The following ZNF91 variants were observed in gnomAD, a reference collection of about 807,000 sequenced individuals.
The protein encoded by ZNF91 is zinc finger protein 91, also known as zinc finger protein 91 (HPF7, HTF10).
In ZNF91, 7 loss-of-function variants were observed where a neutral mutation model predicts 12.6. The ratio of observed to expected loss-of-function variants is 0.55; its 90% CI spans 0.31 to 1.04. The LOEUF (loss-of-function observed/expected upper bound fraction) is 1.04, where lower values mean the gene tolerates loss of function less well. Among genes scored for constraint, ZNF91 ranks in the 50% least tolerant of loss-of-function variants. ZNF91 has a pLI of 0.05. For synonymous variants in ZNF91, 453 were observed against 462.6 expected (o/e 0.98, Z 0.27); for missense variants, 1,217 against 1,385.4 (o/e 0.88, Z 1.93).
intron 3 of ZNF91, among the ~76,000 whole-genome samples, chr19:23,342,959 C>G (rs1204942797): frequency 6.6e-6 from 1 of 152,144 alleles, no homozygotes; most frequent in Non-Finnish European, 1.5e-5. Flanking sequence ...TAATTTTACT[C>G]TAGGTGTTTG....
chr19:23,334,987 TTTTA>T (rs1967980639), downstream of ZNF91, among the ~76,000 whole-genome samples: 2 of 152,152 alleles, frequency 1.3e-5, no homozygotes, highest in Non-Finnish European at 1.5e-5. Flanking sequence ...TTTTTAAACT[TTTTA>T]TTTATTATTC....
At chr19:23,343,534 G>A (rs1054322704) in intron 3 of ZNF91, among the ~76,000 whole-genome samples, 1 of 152,244 alleles carries the variant, frequency 6.6e-6, no homozygotes, top group Non-Finnish European at 1.5e-5. Flanking sequence ...ATAATAAGCT[G>A]AGGTAAACAT....
chr19:23,385,247 C>A, intron 1 of ZNF91: 2 of 548,696 alleles, frequency 3.6e-6, no homozygotes, highest in South Asian at 2.9e-5. Flanking sequence ...GATATTGGGC[C>A]CTCACTTTTG....
Position 23,330,265 on chromosome 19 carries a change from A to C in ZNF91, n.117-21168T>G, listed in dbSNP as rs1967906181. 3.3e-5 allele frequency among the ~76,000 whole-genome samples: 5 copies of C among 151,632 alleles called. No homozygotes were observed. In the South Asian group the frequency reaches 1.0e-3, roughly 32 times the overall value. ...AGAATCACTGGAACCTGGGAGGTGG[A>C]GGTTGCAGTGAGCCGAGATTGTGCC... On this transcript the variant is annotated intron_variant and non_coding_transcript_variant, in intron 1 of 1. Coordinates refer to the ZNF91 transcript ENST00000596528.
intron 1 of ZNF91, among the ~76,000 whole-genome samples, chr19:23,378,538 A>G (rs1002061080): frequency 6.6e-6 from 1 of 152,208 alleles, no homozygotes; most frequent in African/African-American, 2.4e-5. Flanking sequence ...TTTCAATTTT[A>G]TATCACATAC....
At chr19:23,334,576 A>G (rs2145874409), downstream of ZNF91, among the ~76,000 whole-genome samples, 1 of 152,340 alleles carries the variant, frequency 6.6e-6, no homozygotes, top group African/African-American at 2.4e-5. Context: ...AGAAACATTT[A>G]TTTTCCACAA....
At chr19:23,365,571 CTTT>C (rs370180013) in intron 3 of ZNF91, among the ~76,000 whole-genome samples, 1 of 145,520 alleles carries the variant, frequency 6.9e-6, no homozygotes, top group African/African-American at 2.5e-5. Context: ...ATATAGAAGT[CTTT>C]TTTTTTTTTT....
chr19:23,336,804 C>A (rs1001774875), downstream of ZNF91, among the ~76,000 whole-genome samples: 1 of 152,188 alleles, frequency 6.6e-6, no homozygotes, highest in African/African-American at 2.4e-5. Flanking sequence ...TGGATTCTCG[C>A]TGTCGCCCAG....
chr19:23,367,058 C>T (rs1420281713), intron 3 of ZNF91, among the ~76,000 whole-genome samples: 1 of 152,178 alleles, frequency 6.6e-6, no homozygotes, highest in Non-Finnish European at 1.5e-5. Context: ...ATAGAGAGAC[C>T]AAGGTGTGAG....
At chr19:23,351,342 A>G (rs907696094) in intron 3 of ZNF91, among the ~76,000 whole-genome samples, 1 of 151,940 alleles carries the variant, frequency 6.6e-6, no homozygotes, top group Non-Finnish European at 1.5e-5. Flanking sequence ...AAAAAAAAAA[A>G]AAAGAAAGAA....
intron 1 of ZNF91, among the ~76,000 whole-genome samples, chr19:23,331,486 G>C (rs988154889): frequency 1.2e-4 from 18 of 152,206 alleles, no homozygotes; most frequent in Admixed American, 1.0e-3. Context: ...GATATATGCT[G>C]TAAAATTACT....
Position 23,345,476 on chromosome 19 carries a change from TGAG to T in ZNF91, c.254-6425_254-6423del, listed in dbSNP as rs146052225. On this transcript the variant is annotated intron_variant, in intron 3 of 3. Coordinates refer to the ZNF91 transcript ENST00000599743. ...CAATTATTGCTGATGACTGGAAAAA[TGAG>T]GAGAAATTACTTATATCCAGGCCTT... Among the ~76,000 whole-genome samples, 34 of 152,306 alleles carry T rather than the reference TGAG, an allele frequency of 2.2e-4. No homozygotes were observed. The East Asian group carries it at 6.2e-3, about 28-fold the overall frequency.
At chr19:23,321,203 G>T (rs774318017) in intron 1 of ZNF91, among the ~76,000 whole-genome samples, 21 of 152,148 alleles carry the variant, frequency 1.4e-4, no homozygotes, top group Non-Finnish European at 2.5e-4. Context: ...CCTGGGCTTC[G>T]TTCACAAGTA....
At position 23,385,246 on chromosome 19, in the gene ZNF91, C is replaced by T. The variant is rs1969836619; in HGVS notation, c.30+10079G>A. 5.4e-6 allele frequency: 3 copies of T among 552,832 alleles called. No homozygotes were observed. In the Admixed American group the frequency reaches 9.9e-5, roughly 18 times the overall value. The allele number at this position is 552,832 out of a possible 1,614,324, so 34.2% of individuals were successfully genotyped here. ...CCTCCCCCTGCAGCTTGATATTGGG[C>T]CCTCACTTTTGGATGAGGGGCTGAA... On this transcript the variant is annotated intron_variant, in intron 1 of 3. Transcript: ENST00000300619.
At chr19:23,342,023 T>C (rs1968135891) in intron 3 of ZNF91, 1 of 291,952 alleles carries the variant, frequency 3.4e-6, no homozygotes, top group Non-Finnish European at 6.4e-6. Flanking sequence ...CAAAAGATGC[T>C]CCTATTTGGG....
chr19:23,324,006 C>CTCCTT (rs1326635089), intron 1 of ZNF91: 1 of 150,100 alleles, frequency 6.7e-6, no homozygotes, highest in Non-Finnish European at 1.5e-5. Context: ...TTCTCCTCCT[C>CTCCTT]TCCTTTCTCT....
At chr19:23,365,252 C>T (rs1968955259) in intron 3 of ZNF91, among the ~76,000 whole-genome samples, 1 of 150,752 alleles carries the variant, frequency 6.6e-6, no homozygotes, top group Non-Finnish European at 1.5e-5. Context: ...TAAAAAATTT[C>T]CAAAATAAAA....
At chr19:23,389,403 A>C (rs79670211) in intron 1 of ZNF91, among the ~76,000 whole-genome samples, 1,508 of 63,142 alleles carry the variant, frequency 0.024, 10 homozygotes, top group East Asian at 0.068. Flanking sequence ...AGTTTTTGGC[A>C]AAAAAAAAAA....
chr19:23,314,647 T>G (rs295353), upstream of ZNF91, among the ~76,000 whole-genome samples: 1 of 151,998 alleles, frequency 6.6e-6, no homozygotes, highest in African/African-American at 2.4e-5. Context: ...TTTTTCTCTT[T>G]TCTTCATCCT....
Sources: allele counts gnomAD v4.1 joint callset (sites outside exome capture counted in the v4.1 genomes callset), GRCh38; gene constraint gnomAD v4.1.1; transcripts MANE v1.5; gene names NCBI Gene and HGNC (gene_info 2026-07-23, HGNC 2026-07-21).